Variants in PPP1R21 observed in about 807,000 individuals in gnomAD.
PPP1R21 encodes KLRAQ motif containing 1.
Under a neutral mutation model 112.8 loss-of-function variants are expected in PPP1R21, and 85 were observed. The ratio of observed to expected loss-of-function variants is 0.75; its 90% confidence interval spans 0.63 to 0.90. The LOEUF is 0.90. Ranked by LOEUF, PPP1R21 falls within the 40% of genes least tolerant of loss-of-function variation. PPP1R21 has a pLI of 0.00. For missense variants in PPP1R21, 1,199 were observed against 901.5 expected, an observed-to-expected ratio of 1.33 and a Z score of -4.23; for synonymous variants, 381 against 322.3, an observed-to-expected ratio of 1.18 and a Z score of -1.95.
intron 15 of PPP1R21, among the ~76,000 whole-genome samples, chr2:48,494,058 CAAAAAAAA>C (rs70943344): frequency 3.2e-5 from 2 of 63,236 alleles, no homozygotes; most frequent in African/African-American, 1.3e-4. Context: ...CTCGTCTCTC[CAAAAAAAA>C]AAAAAAAAAA....
chr2:48,484,049 T>G (rs1669159507), intron 13 of PPP1R21, among the ~76,000 whole-genome samples: 1 of 152,150 alleles, frequency 6.6e-6, no homozygotes. Flanking sequence ...AAACAAACTT[T>G]GACGCCATAA....
intron 1 of PPP1R21, among the ~76,000 whole-genome samples, chr2:48,447,395 T>TC (rs1404690566): frequency 1.3e-5 from 2 of 152,174 alleles, no homozygotes; most frequent in East Asian, 3.9e-4. Context: ...GAGGTACTCT[T>TC]CCCCCACTGA....
chr2:48,455,752 C>T (rs574633696), intron 3 of PPP1R21, among the ~76,000 whole-genome samples: 272 of 152,074 alleles, frequency 1.8e-3, no homozygotes, highest in Middle Eastern at 6.8e-3. Flanking sequence ...CGGTGGCTCA[C>T]GCCTGTAATC....
intron 3 of PPP1R21, among the ~76,000 whole-genome samples, chr2:48,456,951 C>G (rs1667754483): frequency 6.6e-6 from 1 of 152,018 alleles, no homozygotes; most frequent in South Asian, 2.1e-4. Context: ...ACTTGGGAGG[C>G]TGAGGCAGGA....
chr2:48,497,853 G>T (rs1052983104), intron 16 of PPP1R21, among the ~76,000 whole-genome samples: 2 of 151,810 alleles, frequency 1.3e-5, no homozygotes, highest in African/African-American at 4.8e-5. Context: ...GGGTTTCACT[G>T]TGTTAGCCAG....
At chr2:48,501,645 G>A (rs1462639222) in intron 17 of PPP1R21, among the ~76,000 whole-genome samples, 2 of 152,020 alleles carry the variant, frequency 1.3e-5, no homozygotes, top group Admixed American at 6.5e-5. Context: ...CAGAATAGCC[G>A]ACATAAACTC....
At chr2:48,449,754 A>G (rs971360135) in intron 1 of PPP1R21, among the ~76,000 whole-genome samples, 3 of 151,856 alleles carry the variant, frequency 2.0e-5, no homozygotes, top group African/African-American at 7.2e-5. Flanking sequence ...TTTTAATTTT[A>G]GAAATAGATT....
intron 15 of PPP1R21, among the ~76,000 whole-genome samples, chr2:48,493,194 ACGGG>A (rs1222413479): frequency 2.2e-4 from 34 of 152,002 alleles, no homozygotes; most frequent in South Asian, 1.0e-3. Context: ...TTTAGTAGAG[ACGGG>A]GTTTCACCAT....
At chr2:48,473,423 G>T (rs1265194513) in intron 11 of PPP1R21, among the ~76,000 whole-genome samples, 2 of 152,148 alleles carry the variant, frequency 1.3e-5, no homozygotes, top group African/African-American at 4.8e-5. Context: ...AAAGAGTTAT[G>T]AATTTTATCT....
chr2:48,514,887 G>A lies in PPP1R21; in HGVS notation c.*143G>A, dbSNP rs970120384. 7.0e-6 allele frequency: 5 copies of A among 715,420 alleles called. No individual in the cohort carries two copies. The highest frequency in any genetic ancestry group is 1.8e-5 in the South Asian group (1 of 54,328). The allele number at this position is 715,420 out of a possible 1,614,324, so 44.3% of individuals were successfully genotyped here. On this transcript the variant is annotated 3_prime_UTR_variant, in exon 22 of 22. Coordinates refer to ENST00000294952, the MANE Select transcript of PPP1R21 (RefSeq NM_001135629.3). ...TAGTAAACTAGTCAGTGTTGGAAACGGCCTTGAAATATTTAAAACATATTT... is the reference window on the plus strand; with the variant it reads ...TAGTAAACTAGTCAGTGTTGGAAACAGCCTTGAAATATTTAAAACATATTT...
chr2:48,445,912 C>G (rs1667225619), intron 1 of PPP1R21, among the ~76,000 whole-genome samples: 1 of 152,186 alleles, frequency 6.6e-6, no homozygotes, highest in South Asian at 2.1e-4. Flanking sequence ...AATGTTAGAA[C>G]TGGAAGGAGT....
chr2:48,465,556 C>T lies in PPP1R21; in HGVS notation c.811C>T (p.Leu271=), dbSNP rs1402549849. ...AFVQDLVTAL[L]NFHTYTEQRI... ...TGTTCAGGATCTTGTGACGGCTCTT[C>T]TAAACTTTCATACCTACACAGAACA... is the stretch of plus-strand genomic sequence containing the variant. Residue 271 remains leucine, a synonymous_variant, in exon 9 of 22, where the codon CTA becomes TTA. Transcript: ENST00000294952. 2 of 1,613,836 alleles carry T rather than the reference C, an allele frequency of 1.2e-6. No homozygotes were observed. The highest frequency in any genetic ancestry group is 1.6e-4 in the Middle Eastern group (1 of 6,084).
At chr2:48,459,258 A>G (rs144862660) in intron 4 of PPP1R21, among the ~76,000 whole-genome samples, 286 of 152,266 alleles carry the variant, frequency 1.9e-3, no homozygotes, top group African/African-American at 6.7e-3. Context: ...TTTTATATCT[A>G]AGTATTCACA....
intron 14 of PPP1R21, among the ~76,000 whole-genome samples, chr2:48,490,236 AAAAG>A (rs1558496471): frequency 6.6e-6 from 1 of 150,978 alleles, no homozygotes; most frequent in African/African-American, 2.4e-5. Context: ...AAAAAAAAAA[AAAAG>A]AAAGAAAAGA....
At position 48,511,360 on chromosome 2, in the gene PPP1R21, G is replaced by A; in HGVS notation, c.2205G>A (p.Lys735=). 1 of 1,613,668 alleles carries A rather than the reference G, an allele frequency of 6.2e-7. No homozygotes were observed. The highest frequency in any genetic ancestry group is 8.5e-7 in the Non-Finnish European group (1 of 1,179,920). ...SRLQDELTTT[K]RSYEDQLSMM... Reference sequence around the variant, plus strand: ...TTTAGGATGAGCTGACAACTACCAAGAGGAGTTACGAGGATCAGTTAAGTA... The same window carrying A: ...TTTAGGATGAGCTGACAACTACCAAAAGGAGTTACGAGGATCAGTTAAGTA... Residue 735 remains lysine, a synonymous_variant, in exon 21 of 22, where the codon AAG becomes AAA. Transcript: ENST00000294952.
intron 13 of PPP1R21, among the ~76,000 whole-genome samples, chr2:48,482,476 C>T (rs1488956439): frequency 2.6e-5 from 4 of 152,146 alleles, no homozygotes. Context: ...TATAGCATCA[C>T]AGCCTATGAT....
At chr2:48,480,799 T>G (rs1668977898) in intron 13 of PPP1R21, among the ~76,000 whole-genome samples, 1 of 152,186 alleles carries the variant, frequency 6.6e-6, no homozygotes, top group Admixed American at 6.5e-5. Flanking sequence ...TAGTGACCAA[T>G]TACTAATTGC....
At chr2:48,512,805 T>G (rs1317360838) in intron 21 of PPP1R21, among the ~76,000 whole-genome samples, 1 of 150,470 alleles carries the variant, frequency 6.6e-6, no homozygotes, top group Non-Finnish European at 1.5e-5. Context: ...AAACTTGAGC[T>G]TGGGGGTAAG....
intron 15 of PPP1R21, among the ~76,000 whole-genome samples, chr2:48,491,539 CAA>C (rs370080292): frequency 3.2e-5 from 2 of 63,274 alleles, no homozygotes; most frequent in Non-Finnish European, 6.2e-5. Context: ...GCAGTTGTTG[CAA>C]AAAAAAAGAA....
Sources: gnomAD v4.1 joint callset for allele counts (sites outside exome capture counted in the v4.1 genomes callset) on GRCh38, gnomAD v4.1.1 for gene constraint, MANE v1.5 for transcripts, NCBI Gene and HGNC (gene_info 2026-07-23, HGNC 2026-07-21) for gene names.